The following ATOH8 variants were observed in gnomAD, a reference collection of about 807,000 sequenced individuals.
ATOH8 encodes the protein transcription factor ATOH8.
In ATOH8, 9 loss-of-function variants were observed where a neutral mutation model predicts 21.2. The ratio of observed to expected loss-of-function variants is 0.42; its 90% CI spans 0.26 to 0.74. The LOEUF is 0.74. ATOH8 is among the 30% of genes least tolerant of loss of function. The probability of loss-of-function intolerance (pLI) is 0.24; values close to 1 mark genes in which losing one functional copy is unlikely to be tolerated. For missense variants in ATOH8, 524 were observed against 470.9 expected, an observed-to-expected ratio of 1.11 and a Z score of -1.04; for synonymous variants, 253 against 224.0, an observed-to-expected ratio of 1.13 and a Z score of -1.16.
chr2:85,774,735 A>G (rs2104524332), intron 2 of ATOH8: 7 of 985,454 alleles, frequency 7.1e-6, no homozygotes, highest in Non-Finnish European at 8.4e-6. Flanking sequence ...AACACCTGAT[A>G]GGCCCCCCAA....
Position 85,772,891 on chromosome 2 carries a change from C to T in ATOH8, c.960+8709C>T, listed in dbSNP as rs755445025. On this transcript the variant is annotated intron_variant, in intron 2 of 2. Transcript: ENST00000306279. Reference sequence around the variant, plus strand: ...GACTTTTCTTCCTCCTCTGCGAGCCCGAAGGCCACCTCATTAGTGCTCCTG... The same window carrying T: ...GACTTTTCTTCCTCCTCTGCGAGCCTGAAGGCCACCTCATTAGTGCTCCTG... 19 of 448,464 alleles carry T rather than the reference C, an allele frequency of 4.2e-5. No individual in the cohort carries two copies. In the East Asian group the frequency reaches 7.7e-4, roughly 18 times the overall value. 27.8% of individuals were successfully genotyped at this position (448,464 alleles called of 1,614,324 possible). A position where few individuals can be genotyped will look rare whatever the true frequency, so the allele number is the denominator to read the frequency against.
intron 2 of ATOH8, among the ~76,000 whole-genome samples, chr2:85,767,043 T>C (rs2104510979): frequency 6.6e-6 from 1 of 152,204 alleles, no homozygotes; most frequent in African/African-American, 2.4e-5. Context: ...TTCCCTTTTT[T>C]TGGGGGGCTT....
intron 2 of ATOH8, chr2:85,774,936 C>T (rs913981162): frequency 9.9e-5 from 96 of 973,642 alleles, no homozygotes; most frequent in Non-Finnish European, 1.0e-4. Context: ...GAAAGCCCTC[C>T]CTGACCCCAA....
At chr2:85,764,841 A>C (rs1679966106) in intron 2 of ATOH8, among the ~76,000 whole-genome samples, 1 of 152,146 alleles carries the variant, frequency 6.6e-6, no homozygotes, top group Admixed American at 6.5e-5. Flanking sequence ...TAGAAGAGAG[A>C]CAGATTCACT....
chr2:85,756,096 A>G (rs537129200), intron 1 of ATOH8, among the ~76,000 whole-genome samples: 1 of 151,068 alleles, frequency 6.6e-6, no homozygotes, highest in Non-Finnish European at 1.5e-5. Context: ...ATGGAAAGGA[A>G]ATTGAATCCT....
chr2:85,790,532 C>A lies in ATOH8; in HGVS notation c.*3642C>A, dbSNP rs1003459603. Among the ~76,000 whole-genome samples the A allele has an allele frequency of 1.3e-5, 2 of 152,224 alleles. No homozygotes were observed. Among genetic ancestry groups the A allele is most frequent in the Admixed American group, 6.5e-5 (1 of 15,286 alleles). ...GGTTTTGAGCAAGTGTTCATCCCCC[C>A]ACACTATGCTCCTTCCTGTCTCCAT... On this transcript the variant is annotated 3_prime_UTR_variant, in exon 3 of 3. Transcript: ENST00000306279.
chr2:85,767,749 C>T (rs958507639), intron 2 of ATOH8, among the ~76,000 whole-genome samples: 1 of 152,054 alleles, frequency 6.6e-6, no homozygotes, highest in African/African-American at 2.4e-5. Flanking sequence ...AAGGAAAAAG[C>T]AAACCAAAGA....
intron 2 of ATOH8, among the ~76,000 whole-genome samples, chr2:85,777,617 G>A (rs759253705): frequency 5.1e-4 from 77 of 152,224 alleles, no homozygotes; most frequent in Non-Finnish European, 1.0e-3. Context: ...ATGCAGGGAA[G>A]TGCATCAGTT....
intron 2 of ATOH8, among the ~76,000 whole-genome samples, chr2:85,782,419 A>C (rs1281424215): frequency 6.6e-6 from 1 of 152,144 alleles, no homozygotes; most frequent in Non-Finnish European, 1.5e-5. Flanking sequence ...ATTACCCTGC[A>C]GTGCACAGAA....
At chr2:85,763,901 G>A (rs1010163149) in intron 1 of ATOH8, 90 bp from the exon 2 acceptor site, 39 of 1,220,592 alleles carry the variant, frequency 3.2e-5, no homozygotes, top group Admixed American at 4.2e-5. Context: ...AGGGTGGAGG[G>A]CTCAGATATA....
chr2:85,778,602 C>T (rs1380237387), intron 2 of ATOH8, among the ~76,000 whole-genome samples: 2 of 152,204 alleles, frequency 1.3e-5, no homozygotes, highest in African/African-American at 4.8e-5. Context: ...CTGGGAGTCT[C>T]CTGGAGAAGC....
rs563213905 is a variant in ATOH8 at position 85,790,365 on chromosome 2, A to C, written c.*3475A>C. 4.6e-5 allele frequency among the ~76,000 whole-genome samples: 7 copies of C among 152,354 alleles called. No individual in the cohort carries two copies. The East Asian group carries it at 1.3e-3, about 29-fold the overall frequency. ...CTCCTGCTCTCTGCAGAACAAAACC[A>C]GAAGGAATGGCTCTGGGAGTTGGAG... is the stretch of plus-strand genomic sequence containing the variant. On this transcript the variant is annotated 3_prime_UTR_variant, in exon 3 of 3. Coordinates refer to ENST00000306279, the MANE Select transcript of ATOH8 (RefSeq NM_032827.7).
intron 2 of ATOH8, among the ~76,000 whole-genome samples, chr2:85,771,431 T>G (rs1051481945): frequency 6.6e-6 from 1 of 152,094 alleles, no homozygotes; most frequent in African/African-American, 2.4e-5. Flanking sequence ...TCTCATGAAT[T>G]TATAGCTACA....
At chr2:85,755,078 C>G in intron 1 of ATOH8, 121 bp downstream of exon 1, 2 of 1,337,250 alleles carry the variant, frequency 1.5e-6, no homozygotes, top group Non-Finnish European at 2.0e-6. Flanking sequence ...CCGGTCCGAC[C>G]CTGGTGCCCA....
Position 85,787,163 on chromosome 2 carries a change from G to A in ATOH8, c.*273G>A, listed in dbSNP as rs1680642298. 2 of 446,260 alleles carry A rather than the reference G, an allele frequency of 4.5e-6. No homozygotes were observed. The highest frequency in any genetic ancestry group is 2.0e-5 in the African/African-American group (1 of 49,964). The allele number at this position is 446,260 out of a possible 1,614,324, so 27.6% of individuals were successfully genotyped here. On this transcript the variant is annotated 3_prime_UTR_variant, in exon 3 of 3. Coordinates refer to ENST00000306279, the MANE Select transcript of ATOH8 (RefSeq NM_032827.7). ...ACTCACTCAGACCCCAAGGCCCACT[G>A]TCCAGCTGCAGAAATTCGTTGCCAA...
At chr2:85,758,071 G>C (rs112009672) in intron 1 of ATOH8, among the ~76,000 whole-genome samples, 9 of 152,296 alleles carry the variant, frequency 5.9e-5, no homozygotes, top group African/African-American at 2.2e-4. Context: ...ACGGGCATGA[G>C]CCACTGTGCA....
intron 2 of ATOH8, chr2:85,773,105 G>A (rs543641835): frequency 8.6e-6 from 3 of 346,834 alleles, no homozygotes; most frequent in Non-Finnish European, 1.7e-5. Flanking sequence ...TAAACCCCAT[G>A]CACACAGACG....
intron 2 of ATOH8, among the ~76,000 whole-genome samples, chr2:85,782,085 A>G (rs1027666111): frequency 6.6e-6 from 1 of 152,038 alleles, no homozygotes; most frequent in Non-Finnish European, 1.5e-5. Context: ...GCAAACTAAT[A>G]CTGTGGTTTT....
chr2:85,766,681 C>A lies in ATOH8; in HGVS notation c.960+2499C>A, dbSNP rs1680024379. ...GCATCTCAAGCAGCCAGATTCCTTTCCAGCTCAGGACCCCTGGAGTCGCTG... is the reference window on the plus strand; with the variant it reads ...GCATCTCAAGCAGCCAGATTCCTTTACAGCTCAGGACCCCTGGAGTCGCTG... On this transcript the variant is annotated intron_variant, in intron 2 of 2. Transcript: ENST00000306279. The surrounding 1 kb of genome is among the most constrained non-coding windows in gnomAD (Gnocchi z 4.0). Among the ~76,000 whole-genome samples the A allele has an allele frequency of 3.3e-5, 5 of 152,232 alleles. No individual in the cohort carries two copies. Among genetic ancestry groups the A allele is most frequent in the Admixed American group, 3.3e-4 (5 of 15,286 alleles).
Sources: allele counts gnomAD v4.1 joint callset (sites outside exome capture counted in the v4.1 genomes callset), GRCh38; gene constraint gnomAD v4.1.1; non-coding constraint Gnocchi (gnomAD v3.1); transcripts MANE v1.5; gene names NCBI Gene and HGNC (gene_info 2026-07-23, HGNC 2026-07-21).